PPP6C: variants seen among roughly 807,000 people sequenced by gnomAD.
PPP6C encodes protein phosphatase 6 catalytic subunit.
Under a neutral mutation model 39.8 loss-of-function variants are expected in PPP6C, and 11 were observed. The observed-to-expected ratio is 0.28, with a 90% CI of 0.17 to 0.46. The LOEUF (loss-of-function observed/expected upper bound fraction) is 0.46. PPP6C is among the 20% of genes least tolerant of loss of function. PPP6C has a pLI of 1.00. For missense variants in PPP6C, 211 were observed against 373.9 expected (o/e 0.56, Z 3.59); for synonymous variants, 129 against 130.3 (o/e 0.99, Z 0.07).
At chr9:125,167,390 AAAAAAAAAAGAAAT>A (rs1463667195) in intron 2 of PPP6C, among the ~76,000 whole-genome samples, 54 of 138,806 alleles carry the variant, frequency 3.9e-4, no homozygotes, top group Non-Finnish European at 8.0e-4. Context: ...AAAAAAAAAA[AAAAAAAAAAGAAAT>A]AAAAAAAAGG....
intron 1 of PPP6C, among the ~76,000 whole-genome samples, chr9:125,177,434 C>T (rs997861981): frequency 2.2e-4 from 34 of 152,074 alleles, no homozygotes; most frequent in African/African-American, 6.8e-4. Flanking sequence ...CAGTGGCTCG[C>T]GCCTGTAATC....
intron 1 of PPP6C, among the ~76,000 whole-genome samples, chr9:125,180,653 T>A (rs901309703): frequency 5.9e-5 from 9 of 152,174 alleles, no homozygotes; most frequent in African/African-American, 1.7e-4. Context: ...ACTCCTGACC[T>A]CAGGTGATAC....
intron 4 of PPP6C, among the ~76,000 whole-genome samples, chr9:125,156,744 GCTCTCT>G (rs61252351): frequency 0.025 from 3,520 of 141,406 alleles, 113 homozygotes; most frequent in African/African-American, 0.079. Flanking sequence ...TAATAAGCTC[GCTCTCT>G]CTCTCTCTCT....
chr9:125,186,033 C>G (rs1464075987), intron 1 of PPP6C, among the ~76,000 whole-genome samples: 1 of 152,052 alleles, frequency 6.6e-6, no homozygotes, highest in Non-Finnish European at 1.5e-5. Flanking sequence ...TGACCATTTC[C>G]AACTTAGCGA....
At chr9:125,178,994 C>T (rs1829365214) in intron 1 of PPP6C, among the ~76,000 whole-genome samples, 2 of 152,138 alleles carry the variant, frequency 1.3e-5, no homozygotes, top group Admixed American at 6.6e-5. Context: ...GAGGTCAGAT[C>T]ACCTGAGGTC....
chr9:125,188,189 T>C (rs1829573223), intron 1 of PPP6C, among the ~76,000 whole-genome samples: 1 of 150,316 alleles, frequency 6.7e-6, no homozygotes, highest in Non-Finnish European at 1.5e-5. Context: ...ATCGAGACCA[T>C]CCTGGCTAAC....
chr9:125,163,494 G>A (rs1482964914), intron 2 of PPP6C, among the ~76,000 whole-genome samples: 2 of 152,224 alleles, frequency 1.3e-5, no homozygotes, highest in East Asian at 1.9e-4. Context: ...GCAATGGTGC[G>A]ATCTCGGCTC....
Position 125,149,584 on chromosome 9 carries a change from C to A in PPP6C, c.*89G>T. 5.9e-6 allele frequency: 8 copies of A among 1,365,602 alleles called. No homozygotes were observed. The South Asian group carries it at 7.0e-5, about 12-fold the overall frequency. The allele number at this position is 1,365,602 out of a possible 1,614,324, so 84.6% of individuals were successfully genotyped here. A position where few individuals can be genotyped will look rare whatever the true frequency, so the allele number is the denominator to read the frequency against. The stretch of plus-strand genomic sequence containing the variant: ...GAGGCAGCATTTCAGCAGCAAAGTG[C>A]TCAATAAAAAGTATATTGTAGAGGG... On this transcript the variant is annotated 3_prime_UTR_variant, in exon 7 of 7. Transcript: ENST00000373547.
intron 1 of PPP6C, among the ~76,000 whole-genome samples, chr9:125,178,402 C>T (rs72767015): frequency 0.14 from 21,758 of 152,086 alleles, 1,655 homozygotes; most frequent in East Asian, 0.23. Context: ...CCTAATGACA[C>T]GGAAGGTAGA....
chr9:125,166,770 G>A (rs975314860), intron 2 of PPP6C, among the ~76,000 whole-genome samples: 13 of 151,978 alleles, frequency 8.6e-5, no homozygotes, highest in African/African-American at 3.1e-4. Context: ...CCGACCTCAG[G>A]TGATCTGGTG....
chr9:125,189,750 GGCGGCGGCTGTAGCAGCGGCGGCGGCA>G lies in PPP6C; in HGVS notation c.-59_-33del. On this transcript the variant is annotated 5_prime_UTR_variant, in exon 1 of 7. Coordinates refer to ENST00000373547, the MANE Select transcript of PPP6C (RefSeq NM_002721.5). ...AATAACAAGCCGCGGCAACAGCGGCGGCGGCGGCTGTAGCAGCGGCGGCGGCAGCGGCGGAGGCCGAAGCCGGAACTT... is the reference window on the plus strand; with the variant it reads ...AATAACAAGCCGCGGCAACAGCGGCGGCGGCGGAGGCCGAAGCCGGAACTT... The G allele has an allele frequency of 1.3e-6, 2 of 1,559,980 alleles. No homozygotes were observed. Among genetic ancestry groups the G allele is most frequent in the Non-Finnish European group, 1.7e-6 (2 of 1,156,900 alleles).
At chr9:125,170,603 A>G (rs933533103) in intron 2 of PPP6C, among the ~76,000 whole-genome samples, 1 of 152,214 alleles carries the variant, frequency 6.6e-6, no homozygotes, top group Non-Finnish European at 1.5e-5. Flanking sequence ...TAGCTCATTC[A>G]TCAGTGATTT....
chr9:125,155,416 T>TGAA (rs1836044266), intron 4 of PPP6C, among the ~76,000 whole-genome samples: 4 of 152,220 alleles, frequency 2.6e-5, no homozygotes, highest in Non-Finnish European at 1.5e-5. Flanking sequence ...AAGATTGTTA[T>TGAA]GTAAACTTGC....
At position 125,153,489 on chromosome 9, in the gene PPP6C, C is replaced by A. The variant is rs747412783; in HGVS notation, c.669+44G>T. ...GGCCACCATAGTTCTCTATGCAGCC[C>A]ATTAGCAATCCACAAATTACATTTC... On this transcript the variant is annotated intron_variant, in intron 6 of 6. Coordinates refer to ENST00000373547, the MANE Select transcript of PPP6C (RefSeq NM_002721.5). The A allele has an allele frequency of 1.9e-6, 3 of 1,564,402 alleles. No homozygotes were observed. In the Admixed American group the frequency reaches 5.3e-5, roughly 27 times the overall value.
At chr9:125,181,100 A>G (rs1017401935) in intron 1 of PPP6C, among the ~76,000 whole-genome samples, 4 of 152,124 alleles carry the variant, frequency 2.6e-5, no homozygotes, top group Non-Finnish European at 4.4e-5. Context: ...ACAAATCGCT[A>G]TCACGCGCAC....
intron 1 of PPP6C, among the ~76,000 whole-genome samples, chr9:125,180,920 C>T (rs994115364): frequency 2.6e-5 from 4 of 152,076 alleles, no homozygotes; most frequent in South Asian, 4.1e-4. Flanking sequence ...CTGGAGAACA[C>T]GTGTAAACTA....
intron 6 of PPP6C, chr9:125,150,758 C>T (rs549973300): frequency 2.8e-6 from 2 of 715,868 alleles, no homozygotes; most frequent in East Asian, 7.5e-5. Flanking sequence ...AATTCAGCAA[C>T]TAGGAGACCT....
chr9:125,189,053 C>T, intron 1 of PPP6C: 1 of 826,884 alleles, frequency 1.2e-6, no homozygotes, highest in African/African-American at 1.7e-5. Context: ...GGATTCACCT[C>T]TGAATTAGCA....
intron 1 of PPP6C, among the ~76,000 whole-genome samples, chr9:125,184,337 G>A (rs936442830): frequency 6.6e-5 from 10 of 151,942 alleles, no homozygotes; most frequent in Non-Finnish European, 1.2e-4. Flanking sequence ...GCAGTGAGCC[G>A]AGATCGCGCC....
Sources: allele counts gnomAD v4.1 joint callset (sites outside exome capture counted in the v4.1 genomes callset), GRCh38; gene constraint gnomAD v4.1.1; transcripts MANE v1.5; gene names NCBI Gene and HGNC (gene_info 2026-07-23, HGNC 2026-07-21).